LETMD1: variants seen among roughly 807,000 people sequenced by gnomAD.
LETMD1 encodes the protein LETM1 domain-containing protein 1.
LETMD1 carries 30 observed loss-of-function variants against 43.9 expected under a neutral mutation model. The ratio of observed to expected loss-of-function variants is 0.68; its 90% confidence interval spans 0.51 to 0.93. LETMD1 has a LOEUF of 0.93. Among genes scored for constraint, LETMD1 ranks in the 40% least tolerant of loss-of-function variants. LETMD1 has a pLI of 0.00. For synonymous variants in LETMD1, 176 were observed against 163.1 expected, an observed-to-expected ratio of 1.08 and a Z score of -0.60; for missense variants, 413 against 447.7, an observed-to-expected ratio of 0.92 and a Z score of 0.70.
At chr12:51,057,921 G>C in intron 7 of LETMD1, 111 bp from the exon 8 acceptor site, 1 of 849,502 alleles carries the variant, frequency 1.2e-6, no homozygotes, top group Non-Finnish European at 2.0e-6. Flanking sequence ...CACCGTGCCC[G>C]GTGAGATTGT....
intron 2 of LETMD1, among the ~76,000 whole-genome samples, chr12:51,051,773 T>A (rs1040231985): frequency 6.6e-6 from 1 of 151,954 alleles, no homozygotes; most frequent in Non-Finnish European, 1.5e-5. Flanking sequence ...ATACATAGGG[T>A]TAATTTAGCA....
At position 51,059,503 on chromosome 12, in the gene LETMD1, C is replaced by A; in HGVS notation, c.*72C>A. The stretch of plus-strand genomic sequence containing the variant: ...CAGTGCAGGAACAAACAGCACTTGC[C>A]AGCAAAGTCTGTGTGTACTGTTAAG... On this transcript the variant is annotated 3_prime_UTR_variant, in exon 9 of 9. Coordinates refer to ENST00000262055, the MANE Select transcript of LETMD1 (RefSeq NM_015416.5). 1.5e-6 allele frequency: 2 copies of A among 1,358,170 alleles called. No homozygotes were observed. The highest frequency in any genetic ancestry group is 1.2e-5 in the South Asian group (1 of 85,318). The allele number at this position is 1,358,170 out of a possible 1,614,324, so 84.1% of individuals were successfully genotyped here.
intron 2 of LETMD1, 25 bp downstream of exon 2, chr12:51,049,210 T>C (rs1184676045): frequency 6.3e-7 from 1 of 1,598,146 alleles, no homozygotes; most frequent in Non-Finnish European, 8.6e-7. Flanking sequence ...ACAATAGAAA[T>C]TCCGGAATCA....
the LETMD1 span, among the ~76,000 whole-genome samples, chr12:51,067,109 A>C: frequency 8.6e-5 from 13 of 151,774 alleles, no homozygotes; most frequent in Non-Finnish European, 1.8e-4. The surrounding 1 kb of genome is among the most constrained non-coding windows in gnomAD (Gnocchi z 4.1). Flanking sequence ...GGGATTACAG[A>C]TGTGAGCCAC....
At chr12:51,058,389 T>TG (rs1174249328) in intron 8 of LETMD1, 11 of 483,766 alleles carry the variant, frequency 2.3e-5, no homozygotes. Flanking sequence ...CACTTCCTTA[T>TG]GGGGGGAATA....
downstream of LETMD1, chr12:51,064,220 G>C (rs201911770): frequency 3.5e-5 from 57 of 1,613,758 alleles, no homozygotes; most frequent in Non-Finnish European, 4.7e-5. Flanking sequence ...AGGAGCCTGG[G>C]GGCAGCTGAG....
the LETMD1 span, among the ~76,000 whole-genome samples, chr12:51,066,777 G>GA: frequency 2.9e-4 from 44 of 152,318 alleles, no homozygotes; most frequent in Non-Finnish European, 5.1e-4. Flanking sequence ...AATTGGAGTA[G>GA]AGGTACTGAA....
downstream of LETMD1, chr12:51,062,237 G>A (rs1279033679): frequency 1.3e-5 from 2 of 152,198 alleles, no homozygotes; most frequent in Non-Finnish European, 2.9e-5. Flanking sequence ...TTATGAGCAA[G>A]ATAAGTAGGA....
Position 51,056,501 on chromosome 12 carries a change from C to A in LETMD1, c.914C>A (p.Ser305Ter), listed in dbSNP as rs754629172. The A allele has an allele frequency of 1.2e-6, 2 of 1,614,038 alleles. No homozygotes were observed. The highest frequency in any genetic ancestry group is 1.7e-5 in the Admixed American group (1 of 59,988). ...IGQLTAQEVK[S>*]ACYLRGLNST... ...CAGCTGACTGCTCAGGAAGTAAAATCGGTAAGAGCTTGATTGCAACATCAA... is the reference window on the plus strand; with the variant it reads ...CAGCTGACTGCTCAGGAAGTAAAATAGGTAAGAGCTTGATTGCAACATCAA... The change falls in exon 7 of 9, where the codon TCG (serine) becomes TAG (stop). Residue 305 changes from serine (S) to a stop codon, truncating the protein, a stop_gained and splice_region_variant. Coordinates refer to ENST00000262055, the MANE Select transcript of LETMD1 (RefSeq NM_015416.5). LOFTEE classifies it high-confidence loss of function.
Position 51,048,338 on chromosome 12 carries a change from C to G in LETMD1, c.-19C>G, listed in dbSNP as rs1387894252. The G allele has an allele frequency of 1.9e-6, 3 of 1,614,032 alleles. No individual in the cohort carries two copies. In the South Asian group the frequency reaches 3.3e-5, roughly 18 times the overall value. ...GACCCAAAGACAACCTCTTCTCTCC[C>G]GCTTCTCTCGCTGTGAAGATGGCGC... On this transcript the variant is annotated 5_prime_UTR_variant, in exon 1 of 9. Coordinates refer to ENST00000262055, the MANE Select transcript of LETMD1 (RefSeq NM_015416.5).
chr12:51,049,992 A>T (rs188298141), intron 2 of LETMD1, among the ~76,000 whole-genome samples: 15 of 152,376 alleles, frequency 9.8e-5, no homozygotes, highest in Middle Eastern at 3.4e-3. Context: ...AAAAACCACA[A>T]TTGCTTTTGC....
chr12:51,058,044 C>G lies in LETMD1; in HGVS notation c.928C>G (p.Arg310Gly). The G allele has an allele frequency of 6.2e-7, 1 of 1,611,390 alleles. No homozygotes were observed. Among genetic ancestry groups the G allele is most frequent in the South Asian group, 1.1e-5 (1 of 91,030 alleles). The change falls in exon 8 of 9, where the codon CGT becomes GGT. Residue 310 changes from arginine (R) to glycine (G), a missense_variant. Coordinates refer to ENST00000262055, the MANE Select transcript of LETMD1 (RefSeq NM_015416.5). ...CTGAGTGGTATAGGCTTGTTATCTC[C>G]GTGGCCTGAATTCTACGCATATTGG... The part of the protein sequence containing the change: ...AQEVKSACYL[R>G]GLNSTHIGED...
At chr12:51,057,729 G>A (rs1948137625) in intron 7 of LETMD1, 1 of 368,610 alleles carries the variant, frequency 2.7e-6, no homozygotes, top group South Asian at 2.3e-5. Flanking sequence ...AGGTTCCAGT[G>A]ATTCTCCTGC....
chr12:51,067,925 C>T, the LETMD1 span: 1 of 1,614,192 alleles, frequency 6.2e-7, no homozygotes, highest in Non-Finnish European at 8.5e-7. The surrounding 1 kb of genome is among the most constrained non-coding windows in gnomAD (Gnocchi z 4.1). Flanking sequence ...CATCCAGCGT[C>T]AGGCCATCAG....
At chr12:51,052,541 G>C (rs867981285) in intron 3 of LETMD1, among the ~76,000 whole-genome samples, 13 of 152,280 alleles carry the variant, frequency 8.5e-5, no homozygotes, top group African/African-American at 2.9e-4. Flanking sequence ...CCAGCACTTT[G>C]GGAAGCCGAG....
intron 2 of LETMD1, among the ~76,000 whole-genome samples, chr12:51,049,927 C>T (rs930095716): frequency 3.3e-5 from 5 of 152,340 alleles, no homozygotes; most frequent in Admixed American, 6.5e-5. Context: ...TAAATGTTAC[C>T]TAACAGTATT....
intron 6 of LETMD1, 48 bp from the exon 7 acceptor site, chr12:51,056,302 T>C (rs747510169): frequency 5.0e-6 from 8 of 1,613,982 alleles, no homozygotes; most frequent in Middle Eastern, 3.3e-4. Flanking sequence ...AGGTGTTTGC[T>C]TGAGCTCATA....
chr12:51,053,112 C>T (rs1414607035), intron 3 of LETMD1, among the ~76,000 whole-genome samples: 1 of 142,926 alleles, frequency 7.0e-6, no homozygotes, highest in Non-Finnish European at 1.5e-5. Flanking sequence ...AACTCTGTCT[C>T]AAAAAAAAAA....
chr12:51,054,152 A>C (rs1038385939), intron 4 of LETMD1, among the ~76,000 whole-genome samples: 4 of 151,856 alleles, frequency 2.6e-5, no homozygotes, highest in African/African-American at 7.3e-5. Flanking sequence ...TCTCTCCCCG[A>C]GAGAGAGTAC....
Sources: allele counts gnomAD v4.1 joint callset (sites outside exome capture counted in the v4.1 genomes callset), GRCh38; gene constraint gnomAD v4.1.1; non-coding constraint Gnocchi (gnomAD v3.1); transcripts MANE v1.5; gene names NCBI Gene and HGNC (gene_info 2026-07-23, HGNC 2026-07-21).